The following CAPZB variants were observed in gnomAD, a reference collection of about 807,000 sequenced individuals.
CAPZB encodes the protein F-actin-capping protein subunit beta.
CAPZB carries 2 observed loss-of-function variants against 38.1 expected under a neutral mutation model. The observed-to-expected ratio is 0.05, with a 90% CI of 0.02 to 0.17. The LOEUF is 0.17. CAPZB is among the 10% of genes least tolerant of loss of function. The pLI, the probability that CAPZB is intolerant of heterozygous loss-of-function variation, is 1.00. For missense variants in CAPZB, 161 were observed against 334.2 expected, an observed-to-expected ratio of 0.48 and a Z score of 4.04; for synonymous variants, 107 against 127.4, an observed-to-expected ratio of 0.84 and a Z score of 1.08.
At chr1:19,424,423 G>A (rs60191266) in intron 1 of CAPZB, 26,900 of 152,110 alleles carry the variant, frequency 0.18, 2,849 homozygotes, top group African/African-American at 0.29. Flanking sequence ...CCGGCTACTC[G>A]GGAAGCTGAG....
chr1:19,344,235 A>G (rs2093948510), intron 8 of CAPZB, 123 bp downstream of exon 8: 3 of 738,454 alleles, frequency 4.1e-6, no homozygotes, highest in African/African-American at 1.7e-5. Flanking sequence ...TCATCCCAGA[A>G]GAGGGGCACT....
chr1:19,437,704 C>T (rs185358694), intron 1 of CAPZB, among the ~76,000 whole-genome samples: 4 of 152,258 alleles, frequency 2.6e-5, no homozygotes, highest in Admixed American at 6.5e-5. Flanking sequence ...CCCTTGCTCC[C>T]GCCAGCCCAG....
Position 19,356,649 on chromosome 1 carries a change from T to C in CAPZB, c.574A>G (p.Ser192Gly), listed in dbSNP as rs2094022479. ...SGSGTMNLGG[S>G]LTRQMEKDET... ...GGTAACTCTACCTGTCTGGTAAGGCTGCCTCCGAGGTTCATGGTGCCAGAG... is the reference window on the plus strand; with the variant it reads ...GGTAACTCTACCTGTCTGGTAAGGCCGCCTCCGAGGTTCATGGTGCCAGAG... Residue 192 changes from serine (S) to glycine (G), a missense_variant, in exon 6 of 9, where the codon AGC (serine) becomes GGC (glycine). Physicochemically the swap from Ser to Gly is moderately conservative, Grantham distance 56 (BLOSUM62 0). Coordinates refer to ENST00000264202, the MANE Select transcript of CAPZB (RefSeq NM_004930.5). The surrounding 1 kb of genome is among the most constrained non-coding windows in gnomAD (Gnocchi z 4.3). 6.2e-7 allele frequency: 1 copy of C among 1,613,220 alleles called. No homozygotes were observed. The highest frequency in any genetic ancestry group is 8.5e-7 in the Non-Finnish European group (1 of 1,179,260).
intron 4 of CAPZB, among the ~76,000 whole-genome samples, chr1:19,367,629 T>A (rs902045712): frequency 6.6e-6 from 1 of 152,148 alleles, no homozygotes; most frequent in Non-Finnish European, 1.5e-5. Flanking sequence ...AGGCTGCCCA[T>A]GGACACGGGA....
At chr1:19,425,683 G>A (rs923227625) in intron 1 of CAPZB, among the ~76,000 whole-genome samples, 9 of 152,034 alleles carry the variant, frequency 5.9e-5, no homozygotes, top group African/African-American at 1.2e-4. Context: ...CCATTAATAC[G>A]GACTAAAACA....
Position 19,414,475 on chromosome 1 carries a change from G to T in CAPZB, c.93+5186C>A, listed in dbSNP as rs76726176. ...GATGTCTTCCCCTTGATAGAGTAAA[G>T]TCTGGGGACACCCAAGAGCTGAGCC... On this transcript the variant is annotated intron_variant, in intron 2 of 8. Coordinates refer to ENST00000264202, the MANE Select transcript of CAPZB (RefSeq NM_004930.5). Among the ~76,000 whole-genome samples, 1,137 of 152,268 alleles carry T rather than the reference G, an allele frequency of 7.5e-3. 7 individuals are homozygous for T. Among genetic ancestry groups the T allele is most frequent in the African/African-American group, 0.026 (1,064 of 41,532 alleles).
rs534015895 is a variant in CAPZB, at chr1:19,387,366, T to C, written c.94-1740A>G. 3.3e-5 allele frequency among the ~76,000 whole-genome samples: 5 copies of C among 152,356 alleles called. No homozygotes were observed. The South Asian group carries it at 1.0e-3, about 32-fold the overall frequency. On this transcript the variant is annotated intron_variant, in intron 2 of 8. Coordinates refer to ENST00000264202, the MANE Select transcript of CAPZB (RefSeq NM_004930.5). ...TCTCCTAGCCCCAGCCCTGCTTAGCTGTGGCCACAGAGCCCTTCAACTGGA... is the reference window on the plus strand; with the variant it reads ...TCTCCTAGCCCCAGCCCTGCTTAGCCGTGGCCACAGAGCCCTTCAACTGGA...
At chr1:19,417,023 G>C (rs797006939) in intron 2 of CAPZB, among the ~76,000 whole-genome samples, 2 of 151,982 alleles carry the variant, frequency 1.3e-5, no homozygotes, top group African/African-American at 4.8e-5. Flanking sequence ...TCATTATCTG[G>C]CTATGGCGAA....
chr1:19,400,771 A>G (rs555188402), intron 2 of CAPZB, among the ~76,000 whole-genome samples: 99 of 152,286 alleles, frequency 6.5e-4, no homozygotes, highest in African/African-American at 2.3e-3. Context: ...GTAGGAAAAA[A>G]AATCCTATGA....
chr1:19,427,360 T>C (rs1481299244), intron 1 of CAPZB, among the ~76,000 whole-genome samples: 2 of 152,190 alleles, frequency 1.3e-5, no homozygotes, highest in African/African-American at 4.8e-5. Context: ...CTCGTTTACA[T>C]TCCCGAGAGG....
Position 19,357,579 on chromosome 1 carries a change from C to A in CAPZB, c.330-16G>T. 1 of 1,613,376 alleles carries A rather than the reference C, an allele frequency of 6.2e-7. No individual in the cohort carries two copies. On this transcript the variant is annotated splice_polypyrimidine_tract_variant and intron_variant, in intron 4 of 8. Coordinates refer to ENST00000264202, the MANE Select transcript of CAPZB (RefSeq NM_004930.5). The surrounding 1 kb of genome is among the most constrained non-coding windows in gnomAD (Gnocchi z 4.3). ...TTCAAAATACCTGCAGGAAACAGGC[C>A]AATGTGCCTGTTAGATGCTAAAGGA...
intron 1 of CAPZB, among the ~76,000 whole-genome samples, chr1:19,472,266 CA>C (rs1308096564): frequency 5.3e-5 from 8 of 152,318 alleles, no homozygotes; most frequent in Middle Eastern, 3.4e-3. Context: ...AGACCCTACT[CA>C]TCTCGAAGGC....
At chr1:19,450,074 G>T (rs548312548) in intron 1 of CAPZB, among the ~76,000 whole-genome samples, 1 of 148,546 alleles carries the variant, frequency 6.7e-6, no homozygotes, top group East Asian at 2.0e-4. Flanking sequence ...AGCCCAGGAG[G>T]TGGGGGCTGC....
chr1:19,398,384 G>A (rs2094284155), intron 2 of CAPZB, among the ~76,000 whole-genome samples: 1 of 152,210 alleles, frequency 6.6e-6, no homozygotes. Flanking sequence ...TCAGAGGGCG[G>A]AGGTCTGGCT....
At chr1:19,476,956 C>G (rs999939509) in intron 1 of CAPZB, among the ~76,000 whole-genome samples, 3 of 152,216 alleles carry the variant, frequency 2.0e-5, no homozygotes, top group African/African-American at 2.4e-5. Context: ...TGCGGTGGAC[C>G]TGGACCTCCA....
At chr1:19,409,246 T>C (rs993136361) in intron 2 of CAPZB, among the ~76,000 whole-genome samples, 1 of 152,104 alleles carries the variant, frequency 6.6e-6, no homozygotes, top group Non-Finnish European at 1.5e-5. Flanking sequence ...TCTGGATTTC[T>C]CCCAGTCAAT....
Position 19,450,165 on chromosome 1 carries a change from AAAAAGAAAAG to A in CAPZB, c.4-30425_4-30416del, listed in dbSNP as rs1558273092. Among the ~76,000 whole-genome samples, 118 of 128,184 alleles carry A rather than the reference AAAAAGAAAAG, an allele frequency of 9.2e-4. 1 individual carries two copies. The highest frequency in any genetic ancestry group is 8.3e-3 in the East Asian group (38 of 4,594). The allele number at this position is 128,184 out of a possible 152,430, so 84.1% of individuals were successfully genotyped here. On this transcript the variant is annotated intron_variant, in intron 1 of 8. Coordinates refer to ENST00000264202, the MANE Select transcript of CAPZB (RefSeq NM_004930.5). ...TCTCCAAAAAAAAAAAAAAAAAAAA[AAAAAGAAAAG>A]AAAAGAAAAGAAGAAAAAATGTAGT...
At chr1:19,340,196 G>C (rs1169137470) in intron 8 of CAPZB, among the ~76,000 whole-genome samples, 2 of 152,244 alleles carry the variant, frequency 1.3e-5, no homozygotes, top group East Asian at 3.9e-4. Flanking sequence ...GAGTGGGTAA[G>C]AACCAGTGTC....
At chr1:19,469,110 C>T (rs750823793) in intron 1 of CAPZB, among the ~76,000 whole-genome samples, 12 of 152,092 alleles carry the variant, frequency 7.9e-5, no homozygotes, top group African/African-American at 9.7e-5. Flanking sequence ...GACAGGGAGA[C>T]GGGTACGAAG....
Sources: gnomAD v4.1 joint callset for allele counts (sites outside exome capture counted in the v4.1 genomes callset) on GRCh38, gnomAD v4.1.1 for gene constraint, Gnocchi (gnomAD v3.1) non-coding constraint, MANE v1.5 for transcripts, NCBI Gene and HGNC (gene_info 2026-07-23, HGNC 2026-07-21) for gene names.